CTBP2: variants seen among roughly 807,000 people sequenced by gnomAD.
CTBP2 encodes the protein C-terminal-binding protein 2.
A neutral mutation model predicts 80.3 loss-of-function variants in CTBP2; 30 were observed. The ratio of observed to expected loss-of-function variants is 0.37; its 90% CI spans 0.28 to 0.51. The LOEUF (loss-of-function observed/expected upper bound fraction) is 0.51. CTBP2 is among the 20% of genes least tolerant of loss of function. CTBP2 has a pLI of 0.93. For synonymous variants in CTBP2, 594 were observed against 587.4 expected (o/e 1.01, Z -0.16); for missense variants, 1,212 against 1,375.3 (o/e 0.88, Z 1.88).
intron 2 of CTBP2, among the ~76,000 whole-genome samples, chr10:125,105,969 C>T (rs572340896): frequency 2.0e-5 from 3 of 152,298 alleles, no homozygotes; most frequent in African/African-American, 4.8e-5. Context: ...CTGCCGCTCA[C>T]TCCATCCACT....
upstream of CTBP2, among the ~76,000 whole-genome samples, chr10:125,028,499 A>AC (rs2134733401): frequency 6.6e-6 from 1 of 152,306 alleles, no homozygotes; most frequent in South Asian, 2.1e-4. Context: ...CAGCTCTGAA[A>AC]CCTGATGCTT....
chr10:125,143,052 C>G lies in CTBP2; in HGVS notation c.-206+17267G>C, dbSNP rs535815443. Among the ~76,000 whole-genome samples, 6 of 152,270 alleles carry G rather than the reference C, an allele frequency of 3.9e-5. 1 individual carries two copies. The South Asian group carries it at 1.2e-3, about 32-fold the overall frequency. On this transcript the variant is annotated intron_variant, in intron 1 of 10. Coordinates refer to the CTBP2 transcript ENST00000337195. ...GTGGCCACCTCTGCCCACCCCAGCTCGCGGAAATCCACCACTGTTTTGCTG... is the reference window on the plus strand; with the variant it reads ...GTGGCCACCTCTGCCCACCCCAGCTGGCGGAAATCCACCACTGTTTTGCTG...
intron 1 of CTBP2, among the ~76,000 whole-genome samples, chr10:125,024,184 T>G (rs1272566051): frequency 2.0e-5 from 3 of 152,210 alleles, no homozygotes; most frequent in Non-Finnish European, 4.4e-5. Context: ...CGTACAGCCA[T>G]GTACACAGCT....
In CTBP2 at chr10:124,985,061, C is replaced by T. The variant is rs887694348; in HGVS notation, c.*4457G>A. The T allele has an allele frequency of 7.9e-7, 1 of 1,268,604 alleles. No individual in the cohort carries two copies. 78.6% of individuals were successfully genotyped at this position (1,268,604 alleles called of 1,614,324 possible). A position where few individuals can be genotyped will look rare whatever the true frequency, so the allele number is the denominator to read the frequency against. On this transcript the variant is annotated 3_prime_UTR_variant, in exon 9 of 9. Coordinates refer to ENST00000309035, the MANE Select transcript of CTBP2 (RefSeq NM_022802.3). Reference sequence around the variant, plus strand: ...ATGACCCTAAAGTTAGTGTGGTGCTCCAAGCAGAGTCGACATCATGGAATG... The same window carrying T: ...ATGACCCTAAAGTTAGTGTGGTGCTTCAAGCAGAGTCGACATCATGGAATG...
chr10:125,027,702 C>T lies in CTBP2; in HGVS notation c.58G>A (p.Gly20Arg). Residue 20 changes from glycine to arginine, a missense_variant, in exon 1 of 9, where the codon GGG (glycine) becomes AGG (arginine). This residue lies in a region of CTBP2 where 848 missense variants were observed against 782.3 expected (regional missense o/e 1.08). Coordinates refer to ENST00000309035, the MANE Select transcript of CTBP2 (RefSeq NM_022802.3). ...TTCTCCCAGGGGCCCTCGTACCACCCAGCAGCATCCCAGCTCTGAGAACGA... is the reference window on the plus strand; with the variant it reads ...TTCTCCCAGGGGCCCTCGTACCACCTAGCAGCATCCCAGCTCTGAGAACGA... The T allele has an allele frequency of 6.2e-7, 1 of 1,613,464 alleles. No homozygotes were observed. The highest frequency in any genetic ancestry group is 8.5e-7 in the Non-Finnish European group (1 of 1,179,706).
intron 2 of CTBP2, among the ~76,000 whole-genome samples, chr10:125,071,244 G>A (rs777585430): frequency 1.3e-5 from 2 of 152,260 alleles, no homozygotes; most frequent in Non-Finnish European, 2.9e-5. Flanking sequence ...GAGCATTTGC[G>A]GGAAGGCCCA....
intron 1 of CTBP2, among the ~76,000 whole-genome samples, chr10:125,126,654 C>T (rs928184307): frequency 1.4e-4 from 21 of 152,374 alleles, no homozygotes; most frequent in South Asian, 1.2e-3. Flanking sequence ...CGGCCTCGGC[C>T]CCAGAGAAGC....
At chr10:125,125,141 C>G (rs778227715) in intron 1 of CTBP2, among the ~76,000 whole-genome samples, 10 of 152,144 alleles carry the variant, frequency 6.6e-5, no homozygotes, top group Admixed American at 6.5e-5. Context: ...AGTTTTCTTC[C>G]CAGATGGCTT....
chr10:125,026,665 G>A lies in CTBP2; in HGVS notation c.1095C>T (p.Pro365=). Residue 365 remains proline (P), a synonymous_variant, in exon 1 of 9, where the codon CCC becomes CCT. Coordinates refer to ENST00000309035, the MANE Select transcript of CTBP2 (RefSeq NM_022802.3). ...GGCTGAAGCTGCTGGACCGCGCCCG[G>A]GGCAGCGGGCCCCCCCGGTCCTGCC... 6.2e-7 allele frequency: 1 copy of A among 1,603,848 alleles called. No individual in the cohort carries two copies.
intron 2 of CTBP2, among the ~76,000 whole-genome samples, chr10:125,064,973 G>C (rs1844404091): frequency 6.6e-6 from 1 of 152,220 alleles, no homozygotes; most frequent in Non-Finnish European, 1.5e-5. Context: ...AACGAGCAGA[G>C]AATATGCTCT....
intron 1 of CTBP2, among the ~76,000 whole-genome samples, chr10:125,159,382 G>C (rs1327335030): frequency 6.9e-6 from 1 of 144,952 alleles, no homozygotes; most frequent in African/African-American, 2.5e-5. Flanking sequence ...GCGGGAGCGC[G>C]GCCGGGCAGA....
intron 3 of CTBP2, among the ~76,000 whole-genome samples, chr10:125,037,296 T>C (rs886859635): frequency 6.6e-6 from 1 of 152,212 alleles, no homozygotes; most frequent in African/African-American, 2.4e-5. Flanking sequence ...GAAACGCTGC[T>C]AGCTCTTCAA....
Position 125,027,354 on chromosome 10 carries a change from C to A in CTBP2, c.406G>T (p.Val136Phe). ...CTGCCAAGCACTCCGTAGCTGGGGA[C>A]CGGCCGGCTGACTCCTGGGTCCCGA... The change falls in exon 1 of 9, where the codon GTC becomes TTC. Residue 136 changes from valine to phenylalanine, a missense_variant. Val to Phe is a conservative substitution (Grantham distance 50, BLOSUM62 -1). Transcript: ENST00000309035. 6.2e-7 allele frequency: 1 copy of A among 1,613,560 alleles called. No individual in the cohort carries two copies. Among genetic ancestry groups the A allele is most frequent in the Non-Finnish European group, 8.5e-7 (1 of 1,179,990 alleles).
chr10:125,123,238 G>C (rs896156190), intron 1 of CTBP2, among the ~76,000 whole-genome samples: 2 of 152,110 alleles, frequency 1.3e-5, no homozygotes, highest in Non-Finnish European at 2.9e-5. Context: ...GGGATTCTTG[G>C]GCTGGTACAA....
Position 124,995,438 on chromosome 10 carries a change from GA to G in CTBP2, c.2186-756del. 2.0e-5 allele frequency among the ~76,000 whole-genome samples: 3 copies of G among 152,330 alleles called. No homozygotes were observed. The South Asian group carries it at 6.2e-4, about 32-fold the overall frequency. On this transcript the variant is annotated intron_variant, in intron 4 of 8. Coordinates refer to ENST00000309035, the MANE Select transcript of CTBP2 (RefSeq NM_022802.3). ...TTCCCAGAGCAGTTTTCAGCATTTT[GA>G]AAACAAAATGGTTAGTGTTGATGCT...
rs1463969658 is a variant in CTBP2, at chr10:124,993,921, G to A, written c.2465C>T (p.Ala822Val). 4 of 1,614,062 alleles carry A rather than the reference G, an allele frequency of 2.5e-6. No individual in the cohort carries two copies. Among genetic ancestry groups the A allele is most frequent in the Admixed American group, 1.7e-5 (1 of 60,016 alleles). The change falls in exon 6 of 9, where the codon GCA (alanine) becomes GTA (valine). Residue 822 changes from alanine (A) to valine (V), a missense_variant. Transcript: ENST00000309035. The stretch of plus-strand genomic sequence containing the variant: ...TATCCTGCCCTCCTTGAGGGCTTGT[G>A]CTAAGGCTTTCTCGTCCACCAGGCC...
chr10:125,004,417 A>T (rs1954962444), intron 1 of CTBP2, among the ~76,000 whole-genome samples: 1 of 152,152 alleles, frequency 6.6e-6, no homozygotes, highest in Non-Finnish European at 1.5e-5. Context: ...GCAGGCTCCG[A>T]AGACCTCAGA....
rs1205674890 is a variant in CTBP2 at position 124,987,979 on chromosome 10, T to G, written c.*1539A>C. The G allele has an allele frequency of 1.3e-5, 2 of 152,574 alleles. No individual in the cohort carries two copies. Among genetic ancestry groups the G allele is most frequent in the Non-Finnish European group, 2.9e-5 (2 of 67,938 alleles). The allele number at this position is 152,574 out of a possible 1,614,324, so 9.5% of individuals were successfully genotyped here. A position where few individuals can be genotyped will look rare whatever the true frequency, so the allele number is the denominator to read the frequency against. On this transcript the variant is annotated 3_prime_UTR_variant, in exon 9 of 9. Coordinates refer to ENST00000309035, the MANE Select transcript of CTBP2 (RefSeq NM_022802.3). ...TTGTTAGGTTATTGGCAAAACAGTT[T>G]CAAGGTTCACTTCCCTCCCTTGAAC...
At chr10:125,067,266 CTG>C (rs1483058393) in intron 2 of CTBP2, among the ~76,000 whole-genome samples, 2 of 152,140 alleles carry the variant, frequency 1.3e-5, no homozygotes, top group Non-Finnish European at 1.5e-5. Context: ...TAAGGAAAGA[CTG>C]TGAAACTGCC....
Sources: allele counts gnomAD v4.1 joint callset (sites outside exome capture counted in the v4.1 genomes callset), GRCh38; gene constraint gnomAD v4.1.1; regional missense constraint gnomAD v4.1.1; transcripts MANE v1.5; gene names NCBI Gene and HGNC (gene_info 2026-07-23, HGNC 2026-07-21).